Variants in SH3RF3 observed in about 807,000 individuals in gnomAD.
SH3RF3 encodes the protein E3 ubiquitin-protein ligase SH3RF3.
SH3RF3 carries 29 observed loss-of-function variants against 66.3 expected under a neutral mutation model. The observed-to-expected ratio is 0.44, with a 90% CI of 0.33 to 0.60. SH3RF3 has a LOEUF of 0.60. Among genes scored for constraint, SH3RF3 ranks in the 20% least tolerant of loss-of-function variants. The pLI is 0.04. For synonymous variants in SH3RF3, 583 were observed against 532.0 expected (o/e 1.10, Z -1.32); for missense variants, 1,194 against 1,190.9 (o/e 1.00, Z -0.04).
chr2:109,203,123 G>C (rs945650479), intron 1 of SH3RF3, among the ~76,000 whole-genome samples: 3 of 152,120 alleles, frequency 2.0e-5, no homozygotes, highest in African/African-American at 7.2e-5. Flanking sequence ...CCCTGGGCCT[G>C]TCCGTGTCCT....
chr2:109,222,094 C>G (rs1008823651), intron 1 of SH3RF3, among the ~76,000 whole-genome samples: 1 of 152,022 alleles, frequency 6.6e-6, no homozygotes, highest in Non-Finnish European at 1.5e-5. Flanking sequence ...ACAAGCCAGG[C>G]ACAGAAAGGC....
chr2:109,348,002 C>T (rs1242662490), intron 2 of SH3RF3, 53 bp downstream of exon 2: 5 of 1,541,934 alleles, frequency 3.2e-6, no homozygotes, highest in African/African-American at 2.7e-5. Context: ...TCTGTGCCAC[C>T]CAGGGCTCTT....
chr2:109,286,742 G>A (rs2105355391), intron 1 of SH3RF3, among the ~76,000 whole-genome samples: 1 of 152,288 alleles, frequency 6.6e-6, no homozygotes, highest in South Asian at 2.1e-4. Context: ...TGGGAGTGTT[G>A]GGTTTCCCTA....
At chr2:109,192,685 G>A (rs970972909) in intron 1 of SH3RF3, among the ~76,000 whole-genome samples, 1 of 152,178 alleles carries the variant, frequency 6.6e-6, no homozygotes, top group African/African-American at 2.4e-5. Context: ...TCTTATAGAT[G>A]ACTGCATTTT....
At chr2:109,207,507 G>A (rs1678869073) in intron 1 of SH3RF3, among the ~76,000 whole-genome samples, 1 of 152,166 alleles carries the variant, frequency 6.6e-6, no homozygotes, top group South Asian at 2.1e-4. Flanking sequence ...CCTTTGGAGA[G>A]ATGCATGTCA....
At chr2:109,412,110 A>G (rs1355061884) in intron 4 of SH3RF3, among the ~76,000 whole-genome samples, 1 of 152,214 alleles carries the variant, frequency 6.6e-6, no homozygotes, top group Non-Finnish European at 1.5e-5. Flanking sequence ...CACGCAGGGC[A>G]GTCGGTGGAT....
At chr2:109,395,197 C>A (rs1369282840) in intron 3 of SH3RF3, among the ~76,000 whole-genome samples, 1 of 152,236 alleles carries the variant, frequency 6.6e-6, no homozygotes, top group Non-Finnish European at 1.5e-5. Flanking sequence ...GTGAGTATGG[C>A]AAGCCTGGTC....
intron 1 of SH3RF3, among the ~76,000 whole-genome samples, chr2:109,223,902 T>C (rs1445480814): frequency 6.6e-6 from 1 of 152,028 alleles, no homozygotes; most frequent in Non-Finnish European, 1.5e-5. Context: ...GAGGCTGAGG[T>C]AGGAGGATCA....
intron 2 of SH3RF3, among the ~76,000 whole-genome samples, chr2:109,349,465 C>T (rs1214350055): frequency 6.6e-6 from 1 of 152,184 alleles, no homozygotes; most frequent in Non-Finnish European, 1.5e-5. Context: ...TTTTTAGGCA[C>T]ACAGAAACCC....
rs1403489903 is a variant in SH3RF3 at position 109,129,531 on chromosome 2, C to A, written c.-10C>A. On this transcript the variant is annotated 5_prime_UTR_variant, in exon 1 of 10. Coordinates refer to ENST00000309415, the MANE Select transcript of SH3RF3 (RefSeq NM_001099289.3). ...GGCAGCCGCGCGAGACCGCTGCGGG[C>A]GCCTCCCCCATGCTGCTCGGAGCGT... is the stretch of plus-strand genomic sequence containing the variant. The A allele has an allele frequency of 4.0e-6, 6 of 1,496,838 alleles. No individual in the cohort carries two copies. Among genetic ancestry groups the A allele is most frequent in the Non-Finnish European group, 5.3e-6 (6 of 1,129,660 alleles). The allele number at this position is 1,496,838 out of a possible 1,614,324, so 92.7% of individuals were successfully genotyped here.
intron 8 of SH3RF3, among the ~76,000 whole-genome samples, chr2:109,466,314 C>T (rs1678344626): frequency 1.3e-5 from 2 of 152,118 alleles, no homozygotes; most frequent in African/African-American, 4.8e-5. Context: ...ATCTCCTGAC[C>T]TCGTGACCTG....
At chr2:109,338,366 C>T (rs1045707977) in intron 1 of SH3RF3, among the ~76,000 whole-genome samples, 16 of 151,968 alleles carry the variant, frequency 1.1e-4, no homozygotes, top group South Asian at 6.2e-4. Flanking sequence ...ACTCCTTGAG[C>T]GCTGGGGACC....
At chr2:109,453,367 CT>C (rs1408615642) in intron 8 of SH3RF3, among the ~76,000 whole-genome samples, 2 of 152,226 alleles carry the variant, frequency 1.3e-5, no homozygotes, top group East Asian at 3.9e-4. Context: ...TTAAGTTATC[CT>C]TTTGCACTTA....
chr2:109,334,309 G>A (rs1391711446), intron 1 of SH3RF3, among the ~76,000 whole-genome samples: 2 of 142,310 alleles, frequency 1.4e-5, no homozygotes, highest in South Asian at 2.2e-4. Flanking sequence ...AGTGAGCCAT[G>A]ATCACACCAC....
intron 1 of SH3RF3, among the ~76,000 whole-genome samples, chr2:109,328,004 T>G (rs1682195984): frequency 6.6e-6 from 1 of 152,252 alleles, no homozygotes; most frequent in Admixed American, 6.5e-5. Context: ...GGTGCCAAGC[T>G]TATTCCATAT....
chr2:109,331,966 G>A (rs1682297048), intron 1 of SH3RF3, among the ~76,000 whole-genome samples: 1 of 152,164 alleles, frequency 6.6e-6, no homozygotes, highest in South Asian at 2.1e-4. Flanking sequence ...GGTCTTCCTG[G>A]TGCTGTGACT....
chr2:109,400,566 C>T (rs1390597365), intron 4 of SH3RF3, among the ~76,000 whole-genome samples: 5 of 129,974 alleles, frequency 3.8e-5, no homozygotes, highest in Non-Finnish European at 3.4e-5. Flanking sequence ...TACACATACA[C>T]ACCTGTGCGC....
chr2:109,220,561 A>C (rs1679207109), intron 1 of SH3RF3, among the ~76,000 whole-genome samples: 1 of 152,210 alleles, frequency 6.6e-6, no homozygotes, highest in South Asian at 2.1e-4. Context: ...TATATAAAGA[A>C]CTTCTATAAC....
intron 1 of SH3RF3, among the ~76,000 whole-genome samples, chr2:109,144,255 A>G (rs900966254): frequency 2.6e-5 from 4 of 152,228 alleles, no homozygotes; most frequent in African/African-American, 7.2e-5. Flanking sequence ...ACTGGAATGT[A>G]TATGTATATC....
Sources: gnomAD v4.1 joint callset for allele counts (sites outside exome capture counted in the v4.1 genomes callset) on GRCh38, gnomAD v4.1.1 for gene constraint, MANE v1.5 for transcripts, NCBI Gene and HGNC (gene_info 2026-07-23, HGNC 2026-07-21) for gene names.